IGFBP7: variants seen among roughly 807,000 people sequenced by gnomAD.
The protein encoded by IGFBP7 is insulin like growth factor binding protein 7, also known as insulin-like growth factor-binding protein 7.
Under a neutral mutation model 29.4 loss-of-function variants are expected in IGFBP7, and 31 were observed. That is an observed-to-expected ratio of 1.05 (90% CI 0.79 to 1.42). The LOEUF is 1.42. IGFBP7 is among the 40% of genes most tolerant of loss of function. IGFBP7 has a pLI of 0.00. For synonymous variants in IGFBP7, 172 were observed against 174.9 expected (o/e 0.98, Z 0.13); for missense variants, 393 against 395.5 (o/e 0.99, Z 0.05).
At chr4:57,074,316 C>T (rs752503413) in intron 1 of IGFBP7, among the ~76,000 whole-genome samples, 73 of 152,346 alleles carry the variant, frequency 4.8e-4, no homozygotes, top group Non-Finnish European at 7.6e-4. Flanking sequence ...TTGCCTCTGC[C>T]TCCCAAAGTG....
chr4:57,049,557 G>C (rs1208069793), intron 1 of IGFBP7, among the ~76,000 whole-genome samples: 2 of 152,018 alleles, frequency 1.3e-5, no homozygotes, highest in Non-Finnish European at 1.5e-5. Context: ...CACTTTATTT[G>C]ACATTCTAAG....
Position 57,040,181 on chromosome 4 carries a change from T to C in IGFBP7, c.585+643A>G, listed in dbSNP as rs1724187571. Among the ~76,000 whole-genome samples, 4 of 152,160 alleles carry C rather than the reference T, an allele frequency of 2.6e-5. 1 individual carries two copies. The highest frequency in any genetic ancestry group is 2.6e-4 in the Admixed American group (4 of 15,276). The stretch of plus-strand genomic sequence containing the variant: ...AGATCCCACCTCATTCCTTCTATCC[T>C]ACTTCCAAGTGCCCTTAAAATGTAC... On this transcript the variant is annotated intron_variant, in intron 2 of 4. Transcript: ENST00000295666.
At chr4:57,063,850 A>G (rs1175802198) in intron 1 of IGFBP7, among the ~76,000 whole-genome samples, 3 of 152,252 alleles carry the variant, frequency 2.0e-5, no homozygotes, top group South Asian at 2.1e-4. Context: ...TTATACTAAC[A>G]TAGATCGTAA....
At chr4:57,096,866 G>T (rs1725774502) in intron 1 of IGFBP7, among the ~76,000 whole-genome samples, 1 of 152,160 alleles carries the variant, frequency 6.6e-6, no homozygotes, top group Admixed American at 6.5e-5. Context: ...TTTAAAAAAT[G>T]AGTTCCTGCT....
At position 57,085,254 on chromosome 4, in the gene IGFBP7, T is replaced by C. The variant is rs537635702; in HGVS notation, c.475+24623A>G. Among the ~76,000 whole-genome samples, 15 of 152,294 alleles carry C rather than the reference T, an allele frequency of 9.8e-5. No individual in the cohort carries two copies. The South Asian group carries it at 2.9e-3, about 29-fold the overall frequency. On this transcript the variant is annotated intron_variant, in intron 1 of 4. Transcript: ENST00000295666. ...TGAAGTTTTTTGGAGTTATAATTTT[T>C]AGTGTTGGCTTGCTTTCTTGCTTTG...
intron 1 of IGFBP7, among the ~76,000 whole-genome samples, chr4:57,108,662 C>T (rs111463728): frequency 2.8e-4 from 43 of 152,032 alleles, no homozygotes; most frequent in Middle Eastern, 3.4e-3. Flanking sequence ...CTGCCTCAGC[C>T]TCCTGAGTAG....
intron 1 of IGFBP7, among the ~76,000 whole-genome samples, chr4:57,083,469 T>C (rs1400939955): frequency 6.6e-6 from 1 of 152,250 alleles, no homozygotes; most frequent in Non-Finnish European, 1.5e-5. Flanking sequence ...CACTATTTAT[T>C]ACTTTTCTCT....
chr4:57,039,059 A>G (rs1418658353), intron 2 of IGFBP7, among the ~76,000 whole-genome samples: 1 of 102,678 alleles, frequency 9.7e-6, no homozygotes, highest in African/African-American at 3.8e-5. Flanking sequence ...GAGTGAAACT[A>G]TGTCTCAAAA....
intron 1 of IGFBP7, among the ~76,000 whole-genome samples, chr4:57,087,026 T>C (rs920457847): frequency 6.6e-6 from 1 of 151,950 alleles, no homozygotes; most frequent in African/African-American, 2.4e-5. Context: ...GAGCCACTGC[T>C]CCTGATCTAG....
At chr4:57,073,526 T>C (rs370420336) in intron 1 of IGFBP7, among the ~76,000 whole-genome samples, 15 of 151,664 alleles carry the variant, frequency 9.9e-5, no homozygotes, top group African/African-American at 3.6e-4. Context: ...GCCAGAGAAG[T>C]TGAGGTTGAA....
chr4:57,055,040 T>C, intron 1 of IGFBP7, among the ~76,000 whole-genome samples: 1 of 152,194 alleles, frequency 6.6e-6, no homozygotes, highest in East Asian at 1.9e-4. Context: ...GGTCCGACAG[T>C]GCAGTATAGG....
intron 1 of IGFBP7, among the ~76,000 whole-genome samples, chr4:57,069,525 G>A (rs1340293641): frequency 6.6e-6 from 1 of 152,174 alleles, no homozygotes; most frequent in Non-Finnish European, 1.5e-5. Flanking sequence ...CTGTCCTTCT[G>A]TGGTGGCACC....
intron 1 of IGFBP7, among the ~76,000 whole-genome samples, chr4:57,065,979 A>G (rs1724913036): frequency 6.6e-6 from 1 of 152,116 alleles, no homozygotes; most frequent in Non-Finnish European, 1.5e-5. Context: ...CCCAGCATGG[A>G]CCATAGCTGT....
At chr4:57,068,805 A>G (rs4865174) in intron 1 of IGFBP7, among the ~76,000 whole-genome samples, 22,962 of 152,228 alleles carry the variant, frequency 0.15, 1,826 homozygotes, top group Admixed American at 0.16. Flanking sequence ...GTTTAAATTT[A>G]GAACATGGGC....
chr4:57,082,642 C>G (rs1725399071), intron 1 of IGFBP7, among the ~76,000 whole-genome samples: 1 of 152,130 alleles, frequency 6.6e-6, no homozygotes, highest in African/African-American at 2.4e-5. Context: ...AGTGCATGCT[C>G]ACTGTAACAA....
chr4:57,037,859 C>A (rs1389043617), intron 2 of IGFBP7, among the ~76,000 whole-genome samples: 1 of 152,144 alleles, frequency 6.6e-6, no homozygotes, highest in Non-Finnish European at 1.5e-5. Flanking sequence ...ATTTCTCCAC[C>A]TCCCCACACC....
intron 1 of IGFBP7, among the ~76,000 whole-genome samples, chr4:57,109,193 C>T (rs1726108123): frequency 6.6e-6 from 1 of 151,910 alleles, no homozygotes; most frequent in African/African-American, 2.4e-5. Context: ...CCCAGCAGGC[C>T]GGGATTACTT....
chr4:57,066,652 C>A (rs1724928334), intron 1 of IGFBP7, among the ~76,000 whole-genome samples: 1 of 151,448 alleles, frequency 6.6e-6, no homozygotes, highest in African/African-American at 2.4e-5. Flanking sequence ...CAACCTCCGC[C>A]TCTTGGGTTC....
intron 1 of IGFBP7, among the ~76,000 whole-genome samples, chr4:57,108,148 C>A (rs1560511428): frequency 6.6e-6 from 1 of 152,142 alleles, no homozygotes; most frequent in Non-Finnish European, 1.5e-5. Context: ...TAAACATATG[C>A]AGATTATTTT....
Sources: gnomAD v4.1 joint callset for allele counts (sites outside exome capture counted in the v4.1 genomes callset) on GRCh38, gnomAD v4.1.1 for gene constraint, MANE v1.5 for transcripts, NCBI Gene and HGNC (gene_info 2026-07-23, HGNC 2026-07-21) for gene names.